The following CGNL1 variants were observed in gnomAD, a reference collection of about 807,000 sequenced individuals.
CGNL1 encodes the protein cingulin like 1.
Under a neutral mutation model 141.2 loss-of-function variants are expected in CGNL1, and 132 were observed. The observed-to-expected ratio is 0.93, with a 90% CI of 0.81 to 1.08. CGNL1 has a LOEUF of 1.08. Ranked by LOEUF, CGNL1 falls within the 50% of genes least tolerant of loss-of-function variation. The pLI, the probability that CGNL1 is intolerant of heterozygous loss-of-function variation, is 0.00. For missense variants in CGNL1, 1,870 were observed against 1,588.6 expected (o/e 1.18, Z -3.01); for synonymous variants, 690 against 622.1 (o/e 1.11, Z -1.63).
intron 1 of CGNL1, among the ~76,000 whole-genome samples, chr15:57,389,664 G>A (rs2083947425): frequency 6.6e-6 from 1 of 152,164 alleles, no homozygotes; most frequent in Admixed American, 6.5e-5. Context: ...ATGATAAATG[G>A]ACTCAGATTT....
At chr15:57,530,250 C>A (rs1238075618) in intron 13 of CGNL1, among the ~76,000 whole-genome samples, 2 of 152,206 alleles carry the variant, frequency 1.3e-5, no homozygotes, top group Non-Finnish European at 2.9e-5. Context: ...TATATCCTGA[C>A]TAAAGAGATC....
chr15:57,482,699 T>A (rs1002604842), intron 8 of CGNL1, among the ~76,000 whole-genome samples: 2 of 152,206 alleles, frequency 1.3e-5, no homozygotes, highest in South Asian at 2.1e-4. Flanking sequence ...TATTATGTCT[T>A]AAAATCTGGT....
At chr15:57,535,037 C>T (rs1206579073) in intron 14 of CGNL1, among the ~76,000 whole-genome samples, 1 of 152,216 alleles carries the variant, frequency 6.6e-6, no homozygotes, top group Non-Finnish European at 1.5e-5. Context: ...GCCAACCCCT[C>T]TCATAGACTG....
rs374133661 is a variant in CGNL1, at chr15:57,434,142, G to A, written c.-15-3843G>A. ...TGTTGTTGCAGAAAGCAGAGAAAACGTGTTTTTAGAAGAAAGTTACAGTTT... is the reference window on the plus strand; with the variant it reads ...TGTTGTTGCAGAAAGCAGAGAAAACATGTTTTTAGAAGAAAGTTACAGTTT... On this transcript the variant is annotated intron_variant, in intron 1 of 18. Transcript: ENST00000281282. Among the ~76,000 whole-genome samples the A allele has an allele frequency of 3.3e-5, 5 of 152,242 alleles. No homozygotes were observed. The East Asian group carries it at 9.6e-4, about 29-fold the overall frequency.
At position 57,547,595 on chromosome 15, in the gene CGNL1, C is replaced by T. The variant is rs2032939049; in HGVS notation, c.*105C>T. On this transcript the variant is annotated 3_prime_UTR_variant, in exon 19 of 19. Coordinates refer to ENST00000281282, the MANE Select transcript of CGNL1 (RefSeq NM_032866.5). ...ATCTGTCTGCCACTGAGACCAATCACAGCCTCTTTGCACAGCATGCCAGCT... is the reference window on the plus strand; with the variant it reads ...ATCTGTCTGCCACTGAGACCAATCATAGCCTCTTTGCACAGCATGCCAGCT... The T allele has an allele frequency of 7.6e-7, 1 of 1,321,888 alleles. No homozygotes were observed. The highest frequency in any genetic ancestry group is 1.5e-5 in the African/African-American group (1 of 68,364). 81.9% of individuals were successfully genotyped at this position (1,321,888 alleles called of 1,614,324 possible). A position where few individuals can be genotyped will look rare whatever the true frequency, so the allele number is the denominator to read the frequency against.
chr15:57,508,606 G>A (rs1346831596), intron 8 of CGNL1, among the ~76,000 whole-genome samples: 1 of 152,258 alleles, frequency 6.6e-6, no homozygotes, highest in African/African-American at 2.4e-5. Flanking sequence ...TGCAAAGCCT[G>A]CAGTAGCGCA....
intron 7 of CGNL1, among the ~76,000 whole-genome samples, chr15:57,457,609 G>A (rs527605257): frequency 6.6e-6 from 1 of 152,264 alleles, no homozygotes; most frequent in East Asian, 1.9e-4. Flanking sequence ...GGCCAGGGAG[G>A]CCTCATAATC....
rs79591664 is a variant in CGNL1, at chr15:57,452,298, T to G, written c.2054+9T>G. ...CGGAAGAATCTGGAGGAGTAAGTTCTGGGCTGAGAGCCTGTTGCCCTTCCC... is the reference window on the plus strand; with the variant it reads ...CGGAAGAATCTGGAGGAGTAAGTTCGGGGCTGAGAGCCTGTTGCCCTTCCC... On this transcript the variant is annotated intron_variant, in intron 6 of 18. Coordinates refer to ENST00000281282, the MANE Select transcript of CGNL1 (RefSeq NM_032866.5). The G allele has an allele frequency of 5.3e-5, 86 of 1,611,278 alleles. No homozygotes were observed. The highest frequency in any genetic ancestry group is 6.2e-5 in the Non-Finnish European group (73 of 1,178,830).
intron 1 of CGNL1, among the ~76,000 whole-genome samples, chr15:57,425,186 G>A (rs1435700592): frequency 6.6e-6 from 1 of 152,100 alleles, no homozygotes; most frequent in Non-Finnish European, 1.5e-5. Flanking sequence ...ACTGCTTGTA[G>A]GAAGCTATTT....
In CGNL1 at chr15:57,386,289, G is replaced by T. The variant is rs570014096; in HGVS notation, c.-16+9722G>T. ...CTTGTGAGCCTCGCTTTTCTCCCCT[G>T]TTAAAGGGCAGATAGGTAATTGTGT... On this transcript the variant is annotated intron_variant, in intron 1 of 18. Coordinates refer to ENST00000281282, the MANE Select transcript of CGNL1 (RefSeq NM_032866.5). Among the ~76,000 whole-genome samples the T allele has an allele frequency of 2.0e-5, 3 of 152,274 alleles. No homozygotes were observed. The South Asian group carries it at 6.2e-4, about 32-fold the overall frequency.
chr15:57,408,002 G>T (rs1444772550), intron 1 of CGNL1, among the ~76,000 whole-genome samples: 1 of 152,018 alleles, frequency 6.6e-6, no homozygotes, highest in Non-Finnish European at 1.5e-5. Flanking sequence ...ACCTGTCTCA[G>T]CCTCCCAAAG....
chr15:57,413,786 T>G (rs1383717562), intron 1 of CGNL1, among the ~76,000 whole-genome samples: 4 of 152,178 alleles, frequency 2.6e-5, no homozygotes, highest in Non-Finnish European at 5.9e-5. Context: ...GCTGGGTAGA[T>G]TTTTGTGGGA....
At chr15:57,392,768 A>G (rs1465836464) in intron 1 of CGNL1, among the ~76,000 whole-genome samples, 1 of 152,348 alleles carries the variant, frequency 6.6e-6, no homozygotes, top group Non-Finnish European at 1.5e-5. Flanking sequence ...AACTGTGTTA[A>G]TAGTCTGTGG....
In CGNL1 at chr15:57,516,977, G is replaced by A. The variant is rs2030862340; in HGVS notation, c.2601G>A (p.Lys867=). 6.2e-7 allele frequency: 1 copy of A among 1,613,182 alleles called. No homozygotes were observed. The highest frequency in any genetic ancestry group is 1.7e-4 in the Middle Eastern group (1 of 5,732). Residue 867 remains lysine (K), a synonymous_variant, in exon 9 of 19, where the codon AAG becomes AAA. Coordinates refer to ENST00000281282, the MANE Select transcript of CGNL1 (RefSeq NM_032866.5). ...GDEAKAKETL[K]KYEGEIRQLE... ...AAGCCAAGGCGAAGGAAACGCTGAA[G>A]AAGTACGAGGTGAGGCTCGCTGGGC...
At chr15:57,408,766 T>C (rs562027779) in intron 1 of CGNL1, among the ~76,000 whole-genome samples, 28 of 152,078 alleles carry the variant, frequency 1.8e-4, no homozygotes, top group Admixed American at 9.2e-4. Flanking sequence ...CCAGACACAG[T>C]GGCTCATGCC....
intron 8 of CGNL1, among the ~76,000 whole-genome samples, chr15:57,476,136 G>C (rs976083504): frequency 6.6e-6 from 1 of 152,122 alleles, no homozygotes; most frequent in Non-Finnish European, 1.5e-5. Context: ...CAGCCAGTTC[G>C]GTGTGGGGCA....
intron 8 of CGNL1, among the ~76,000 whole-genome samples, chr15:57,498,155 G>A (rs756504468): frequency 6.6e-6 from 1 of 151,672 alleles, no homozygotes; most frequent in African/African-American, 2.4e-5. Context: ...CATAGCATTG[G>A]GTTCTTGTCT....
rs1011309362 is a variant in CGNL1 at position 57,521,712 on chromosome 15, C to A, written c.2716-1777C>A. Among the ~76,000 whole-genome samples the A allele has an allele frequency of 2.6e-5, 4 of 152,260 alleles. No homozygotes were observed. The East Asian group carries it at 7.7e-4, about 29-fold the overall frequency. ...TCTTTTGTGGTTCAGGAGAAAGAGC[C>A]AGGCAGCCCTGCCTGAGCCAAGAGT... is the stretch of plus-strand genomic sequence containing the variant. On this transcript the variant is annotated intron_variant, in intron 10 of 18. Coordinates refer to ENST00000281282, the MANE Select transcript of CGNL1 (RefSeq NM_032866.5).
In CGNL1 at chr15:57,377,828, G is replaced by T. The variant is rs75286537; in HGVS notation, c.-16+1261G>T. 2.4e-3 allele frequency among the ~76,000 whole-genome samples: 363 copies of T among 152,282 alleles called. 1 individual carries two copies. The highest frequency in any genetic ancestry group is 8.2e-3 in the African/African-American group (339 of 41,556). Reference sequence around the variant, plus strand: ...AATTTGACTTGTCATATTCGGGAATGATTTCAGATTAAAAGGAGAAAAAAT... The same window carrying T: ...AATTTGACTTGTCATATTCGGGAATTATTTCAGATTAAAAGGAGAAAAAAT... On this transcript the variant is annotated intron_variant, in intron 1 of 18. Transcript: ENST00000281282.
Sources: gnomAD v4.1 joint callset for allele counts (sites outside exome capture counted in the v4.1 genomes callset) on GRCh38, gnomAD v4.1.1 for gene constraint, MANE v1.5 for transcripts, NCBI Gene and HGNC (gene_info 2026-07-23, HGNC 2026-07-21) for gene names.